The following ALK variants were observed in gnomAD, a reference collection of about 807,000 sequenced individuals.
ALK encodes the protein ALK receptor tyrosine kinase, also known as ALK tyrosine kinase receptor.
Under a neutral mutation model 163.1 loss-of-function variants are expected in ALK, and 74 were observed. That is an observed-to-expected ratio of 0.45 (90% CI 0.38 to 0.55). The LOEUF (loss-of-function observed/expected upper bound fraction) is 0.55, where lower values mean the gene tolerates loss of function less well. Ranked by LOEUF, ALK falls within the 20% of genes least tolerant of loss-of-function variation. The pLI, the probability that ALK is intolerant of heterozygous loss-of-function variation, is 0.00. For synonymous variants in ALK, 960 were observed against 843.2 expected (o/e 1.14, Z -2.40); for missense variants, 2,063 against 2,105.3 (o/e 0.98, Z 0.39).
chr2:29,296,182 G>A (rs1245722746), intron 9 of ALK, among the ~76,000 whole-genome samples: 1 of 152,216 alleles, frequency 6.6e-6, no homozygotes, highest in Admixed American at 6.5e-5. Context: ...GAGGCCCAAA[G>A]AAGTCAAGGA....
chr2:29,401,091 A>G (rs1669433535), intron 4 of ALK, among the ~76,000 whole-genome samples: 1 of 152,172 alleles, frequency 6.6e-6, no homozygotes, highest in African/African-American at 2.4e-5. Context: ...TCAGATACAA[A>G]GCACTAAATG....
chr2:29,222,291 G>T (rs76002034), intron 22 of ALK, 53 bp downstream of exon 22: 4 of 1,550,972 alleles, frequency 2.6e-6, no homozygotes, highest in African/African-American at 2.7e-5. Flanking sequence ...ACCTCTCCAG[G>T]TTCTTTGGGG....
At chr2:29,853,984 G>C (rs558885249) in intron 1 of ALK, among the ~76,000 whole-genome samples, 2 of 150,790 alleles carry the variant, frequency 1.3e-5, no homozygotes, top group Non-Finnish European at 3.0e-5. Context: ...ATCTGGGCTC[G>C]CTACAACCTT....
At chr2:29,311,806 G>A (rs1484748523) in intron 8 of ALK, among the ~76,000 whole-genome samples, 3 of 152,142 alleles carry the variant, frequency 2.0e-5, no homozygotes, top group Admixed American at 6.5e-5. Context: ...GGATGGGGGC[G>A]ATGTGGGGGA....
In ALK at chr2:29,831,266, G is replaced by GAAGAAT. The variant is rs1665408592; in HGVS notation, c.667+88726_667+88727insATTCTT. On this transcript the variant is annotated intron_variant, in intron 1 of 28. Transcript: ENST00000389048. ...AGAAGAGGAAGAGGAAGAGGAAGAA[G>GAAGAAT]AAGAAGAAGAAGAAGAAGAAGAAGA... is the stretch of plus-strand genomic sequence containing the variant. Among the ~76,000 whole-genome samples the GAAGAAT allele has an allele frequency of 2.2e-5, 2 of 89,812 alleles. 1 individual carries two copies. The highest frequency in any genetic ancestry group is 7.7e-5 in the African/African-American group (2 of 25,942). The allele number at this position is 89,812 out of a possible 152,430, so 58.9% of individuals were successfully genotyped here.
At chr2:29,508,091 G>T (rs1327676505) in intron 4 of ALK, among the ~76,000 whole-genome samples, 5 of 152,126 alleles carry the variant, frequency 3.3e-5, no homozygotes. Context: ...CTTGGGGAGT[G>T]CACTGAGAAA....
intron 5 of ALK, among the ~76,000 whole-genome samples, chr2:29,364,627 G>A (rs1298131696): frequency 6.6e-6 from 1 of 152,188 alleles, no homozygotes; most frequent in African/African-American, 2.4e-5. Context: ...AATGGCCAAA[G>A]AAGAGTCAGG....
At chr2:29,387,373 C>A (rs1453192078) in intron 4 of ALK, among the ~76,000 whole-genome samples, 1 of 152,064 alleles carries the variant, frequency 6.6e-6, no homozygotes, top group Admixed American at 6.5e-5. Context: ...GCCATTTTTG[C>A]AGAGTGCCTA....
intron 1 of ALK, among the ~76,000 whole-genome samples, chr2:29,720,466 C>A (rs1679388777): frequency 6.6e-6 from 1 of 152,184 alleles, no homozygotes; most frequent in South Asian, 2.1e-4. Flanking sequence ...GGTCTCCAAT[C>A]TTACCCCTGA....
At chr2:29,512,836 C>T (rs1459684952) in intron 4 of ALK, among the ~76,000 whole-genome samples, 1 of 150,948 alleles carries the variant, frequency 6.6e-6, no homozygotes. Flanking sequence ...AAATCACAAG[C>T]ATTCTTACAC....
chr2:29,514,984 T>C (rs917300011), intron 4 of ALK, among the ~76,000 whole-genome samples: 6 of 152,202 alleles, frequency 3.9e-5, no homozygotes, highest in African/African-American at 1.2e-4. Flanking sequence ...ATCCTAAATA[T>C]TCCTGATCAG....
At chr2:29,272,216 C>T (rs1035418329) in intron 11 of ALK, among the ~76,000 whole-genome samples, 7 of 138,838 alleles carry the variant, frequency 5.0e-5, no homozygotes, top group African/African-American at 1.8e-4. Context: ...GAGAGAAGAA[C>T]CTGGCTCTGC....
At chr2:29,834,256 A>G (rs1391895320) in intron 1 of ALK, among the ~76,000 whole-genome samples, 2 of 152,310 alleles carry the variant, frequency 1.3e-5, no homozygotes, top group East Asian at 3.9e-4. Context: ...CTAATCACAC[A>G]GTATGTTTAT....
chr2:29,908,570 TC>T lies in ALK; in HGVS notation c.667+11422del, dbSNP rs534627648. On this transcript the variant is annotated intron_variant, in intron 1 of 28. Coordinates refer to ENST00000389048, the MANE Select transcript of ALK (RefSeq NM_004304.5). ...AGGAAACCATCATTCTCAGCAGATATCCTTTGACCTGACTCCCTGCCAAAAG... is the reference window on the plus strand; with the variant it reads ...AGGAAACCATCATTCTCAGCAGATATCTTTGACCTGACTCCCTGCCAAAAG... 1.8e-4 allele frequency among the ~76,000 whole-genome samples: 28 copies of T among 152,342 alleles called. No homozygotes were observed. In the East Asian group the frequency reaches 5.4e-3, roughly 29 times the overall value.
intron 4 of ALK, among the ~76,000 whole-genome samples, chr2:29,449,135 T>C (rs891080746): frequency 1.3e-5 from 2 of 152,232 alleles, no homozygotes; most frequent in African/African-American, 4.8e-5. Flanking sequence ...ATTTATTTAT[T>C]TGTTCATTCA....
chr2:29,794,112 C>A (rs1664249567), intron 1 of ALK, among the ~76,000 whole-genome samples: 1 of 152,148 alleles, frequency 6.6e-6, no homozygotes, highest in Non-Finnish European at 1.5e-5. Context: ...TTAGGTAGAT[C>A]TTCTGGATAA....
intron 4 of ALK, among the ~76,000 whole-genome samples, chr2:29,511,518 C>T (rs530098847): frequency 1.3e-4 from 19 of 151,970 alleles, no homozygotes; most frequent in East Asian, 3.9e-4. Flanking sequence ...ATAGATAAAC[C>T]ACAATTTCTT....
At chr2:29,520,067 A>G (rs969778035) in intron 4 of ALK, among the ~76,000 whole-genome samples, 1 of 152,238 alleles carries the variant, frequency 6.6e-6, no homozygotes, top group African/African-American at 2.4e-5. Flanking sequence ...AACAGGAAAT[A>G]TGCAGGAAAT....
At chr2:29,600,026 C>T (rs1020476105) in intron 3 of ALK, among the ~76,000 whole-genome samples, 16 of 152,128 alleles carry the variant, frequency 1.1e-4, no homozygotes, top group Admixed American at 3.3e-4. Flanking sequence ...GACACAAGGG[C>T]CCAGAGCTCA....
Sources: allele counts gnomAD v4.1 joint callset (sites outside exome capture counted in the v4.1 genomes callset), GRCh38; gene constraint gnomAD v4.1.1; transcripts MANE v1.5; gene names NCBI Gene and HGNC (gene_info 2026-07-23, HGNC 2026-07-21).